The following STRN3 variants were observed in gnomAD, a reference collection of about 807,000 sequenced individuals.
The protein encoded by STRN3 is striatin-3.
A neutral mutation model predicts 95.6 loss-of-function variants in STRN3; 29 were observed. The observed-to-expected ratio is 0.30, with a 90% CI of 0.23 to 0.41. The LOEUF is 0.41. STRN3 is among the 10% of genes least tolerant of loss of function. The probability of loss-of-function intolerance (pLI) is 1.00; values close to 1 mark genes in which losing one functional copy is unlikely to be tolerated. For synonymous variants in STRN3, 331 were observed against 357.6 expected (o/e 0.93, Z 0.84); for missense variants, 890 against 972.1 (o/e 0.92, Z 1.12).
At chr14:31,019,173 T>C (rs1388733462) in intron 1 of STRN3, among the ~76,000 whole-genome samples, 1 of 151,834 alleles carries the variant, frequency 6.6e-6, no homozygotes, top group Non-Finnish European at 1.5e-5. Context: ...CCAGGCGTGG[T>C]AGCACGTGCC....
chr14:30,978,153 C>T (rs1423365900), intron 1 of STRN3, among the ~76,000 whole-genome samples: 1 of 152,094 alleles, frequency 6.6e-6, no homozygotes, highest in African/African-American at 2.4e-5. Flanking sequence ...TACTAATTCA[C>T]GTGATGAAGC....
In STRN3 at chr14:31,026,100, C is replaced by A; in HGVS notation, c.86G>T (p.Gly29Val). ...RQQQGPGGNLGLSPGGNGAAG... is the reference protein window; with the variant it reads ...RQQQGPGGNLVLSPGGNGAAG... Reference sequence around the variant, plus strand: ...CGCTCCGTTCCCCCCGGGCGAAAGGCCCAGGTTCCCCCCAGGTCCCTGCTG... The same window carrying A: ...CGCTCCGTTCCCCCCGGGCGAAAGGACCAGGTTCCCCCCAGGTCCCTGCTG... Residue 29 changes from glycine to valine, a missense_variant, in exon 1 of 18, where the codon GGC (glycine) becomes GTC (valine). By Grantham distance (109) the Gly-to-Val change is moderately radical. Around this residue, in one of 3 missense-constraint regions of STRN3, gnomAD observed 526 missense variants for 526.3 expected, o/e 1.00. Coordinates refer to ENST00000357479, the MANE Select transcript of STRN3 (RefSeq NM_001083893.2). 1 of 1,526,478 alleles carries A rather than the reference C, an allele frequency of 6.6e-7. No individual in the cohort carries two copies. The highest frequency in any genetic ancestry group is 8.8e-7 in the Non-Finnish European group (1 of 1,138,896). 94.6% of individuals were successfully genotyped at this position (1,526,478 alleles called of 1,614,324 possible). A position where few individuals can be genotyped will look rare whatever the true frequency, so the allele number is the denominator to read the frequency against.
intron 1 of STRN3, among the ~76,000 whole-genome samples, chr14:31,010,089 G>A (rs1421238753): frequency 4.0e-5 from 6 of 151,862 alleles, no homozygotes; most frequent in African/African-American, 4.8e-5. Flanking sequence ...CCTGGGTGAC[G>A]GTATGAGACC....
intron 7 of STRN3, among the ~76,000 whole-genome samples, chr14:30,929,822 T>C (rs1189091113): frequency 6.6e-6 from 1 of 151,870 alleles, no homozygotes; most frequent in Non-Finnish European, 1.5e-5. Context: ...TAGTCCAATA[T>C]AATACATATA....
At position 31,007,027 on chromosome 14, in the gene STRN3, A is replaced by G. The variant is rs147946329; in HGVS notation, c.282+18877T>C. 1.9e-3 allele frequency among the ~76,000 whole-genome samples: 291 copies of G among 152,328 alleles called. 2 individuals carry two copies. Among genetic ancestry groups the G allele is most frequent in the African/African-American group, 6.9e-3 (286 of 41,568 alleles). On this transcript the variant is annotated intron_variant, in intron 1 of 17. Transcript: ENST00000357479. ...AAAGTTAAATAAAAGTATATTTCCA[A>G]ACTACCAATCAAGTGTGAAAATAAA...
chr14:30,960,868 CAA>C (rs56227331), intron 1 of STRN3, among the ~76,000 whole-genome samples: 1 of 47,614 alleles, frequency 2.1e-5, no homozygotes, highest in Non-Finnish European at 4.1e-5. Flanking sequence ...GACTCCATCT[CAA>C]AAAAAAAAAA....
chr14:30,975,507 T>C (rs989920259), intron 1 of STRN3, among the ~76,000 whole-genome samples: 1 of 140,054 alleles, frequency 7.1e-6, no homozygotes, highest in Non-Finnish European at 1.5e-5. Flanking sequence ...AAAGAACTTT[T>C]CCATGCAACC....
Position 31,014,363 on chromosome 14 carries a change from G to A in STRN3, c.282+11541C>T, listed in dbSNP as rs1233878543. ...AGCCTCCCGAGTAGCTGGAACTACA[G>A]GCGCGTTGACACCACACCCTGCTAA... is the stretch of plus-strand genomic sequence containing the variant. On this transcript the variant is annotated intron_variant, in intron 1 of 17. Transcript: ENST00000357479. Among the ~76,000 whole-genome samples, 7 of 152,054 alleles carry A rather than the reference G, an allele frequency of 4.6e-5. No homozygotes were observed. The South Asian group carries it at 1.5e-3, about 32-fold the overall frequency.
At chr14:30,974,418 C>T (rs1343603285) in intron 1 of STRN3, among the ~76,000 whole-genome samples, 1 of 151,934 alleles carries the variant, frequency 6.6e-6, no homozygotes, top group African/African-American at 2.4e-5. Context: ...GAAATTAAGA[C>T]ATAAATAAAT....
chr14:30,997,138 G>C (rs1258224204), intron 1 of STRN3, among the ~76,000 whole-genome samples: 1 of 152,118 alleles, frequency 6.6e-6, no homozygotes, highest in African/African-American at 2.4e-5. Context: ...AACAGCAGCA[G>C]GGCTCAAAAG....
chr14:30,961,402 G>A (rs1276228975), intron 1 of STRN3, among the ~76,000 whole-genome samples: 1 of 152,150 alleles, frequency 6.6e-6, no homozygotes, highest in African/African-American at 2.4e-5. Context: ...TACAACAGGG[G>A]TCCCATATGA....
chr14:31,015,123 G>A (rs931864723), intron 1 of STRN3, among the ~76,000 whole-genome samples: 7 of 151,922 alleles, frequency 4.6e-5, no homozygotes, highest in Non-Finnish European at 7.4e-5. Context: ...GCGCCACCGC[G>A]TCCAGCCTCA....
At position 30,929,256 on chromosome 14, in the gene STRN3, T is replaced by A. The variant is rs781374175; in HGVS notation, c.1044A>T (p.Ile348=). 1 of 1,613,560 alleles carries A rather than the reference T, an allele frequency of 6.2e-7. No individual in the cohort carries two copies. The highest frequency in any genetic ancestry group is 8.5e-7 in the Non-Finnish European group (1 of 1,179,764). ...TCTTGTACTGTTCCTTCAGTTTACT[T>A]ATTAGTCCCTGGTCTACATCCCAAA... ...AEVWDVDQGL[I]SKLKEQYKKE... is the part of the protein sequence containing the mutation. The change falls in exon 8 of 18, where the codon ATA becomes ATT. Residue 348 remains isoleucine, a synonymous_variant. Transcript: ENST00000357479.
Position 30,906,932 on chromosome 14 carries a change from C to T in STRN3, c.1833G>A (p.Arg611=). Residue 611 remains arginine (R), a synonymous_variant, in exon 14 of 18, where the codon AGG becomes AGA. Coordinates refer to ENST00000357479, the MANE Select transcript of STRN3 (RefSeq NM_001083893.2). ...GCAATTTTTCTTGTGGATTCCATAACCTAACAGTGCCATCTGCTGAACAAG... is the reference window on the plus strand; with the variant it reads ...GCAATTTTTCTTGTGGATTCCATAATCTAACAGTGCCATCTGCTGAACAAG... ...LLSCSADGTV[R]LWNPQEKLPC... 6.2e-7 allele frequency: 1 copy of T among 1,613,810 alleles called. No individual in the cohort carries two copies. Among genetic ancestry groups the T allele is most frequent in the South Asian group, 1.1e-5 (1 of 91,060 alleles).
At chr14:30,929,965 A>AAAAAAAAAAAAC (rs1878422718) in intron 7 of STRN3, among the ~76,000 whole-genome samples, 11 of 143,360 alleles carry the variant, frequency 7.7e-5, no homozygotes, top group African/African-American at 2.9e-4. Context: ...AAAAAAAAAA[A>AAAAAAAAAAAAC]AAAAAAAAAA....
At chr14:31,003,299 G>A (rs1217382521) in intron 1 of STRN3, among the ~76,000 whole-genome samples, 1 of 151,164 alleles carries the variant, frequency 6.6e-6, no homozygotes, top group African/African-American at 2.4e-5. Context: ...AAGAGAAAGT[G>A]GTTAAGATGG....
chr14:30,943,851 G>C (rs1879209709), intron 5 of STRN3, among the ~76,000 whole-genome samples: 1 of 152,080 alleles, frequency 6.6e-6, no homozygotes, highest in African/African-American at 2.4e-5. Context: ...ACACAAAGTA[G>C]AATAGTGGTT....
At position 30,902,694 on chromosome 14, in the gene STRN3, G is replaced by A. The variant is rs767861626; in HGVS notation, c.2030-51C>T. 4 of 1,154,944 alleles carry A rather than the reference G, an allele frequency of 3.5e-6. No individual in the cohort carries two copies. In the Admixed American group the frequency reaches 8.6e-5, roughly 25 times the overall value. 71.5% of individuals were successfully genotyped at this position (1,154,944 alleles called of 1,614,324 possible). A position where few individuals can be genotyped will look rare whatever the true frequency, so the allele number is the denominator to read the frequency against. ...TTAAAATTCAAACCTTTAATAAGAA[G>A]TTGGATAATGGCCTTTTTAATCGTG... On this transcript the variant is annotated intron_variant, in intron 15 of 17. Transcript: ENST00000357479.
intron 1 of STRN3, among the ~76,000 whole-genome samples, chr14:31,021,007 A>T (rs571425400): frequency 6.6e-6 from 1 of 152,196 alleles, no homozygotes; most frequent in Non-Finnish European, 1.5e-5. Context: ...ATCGCACTCA[A>T]ATATCACCAA....
Sources: gnomAD v4.1 joint callset for allele counts (sites outside exome capture counted in the v4.1 genomes callset) on GRCh38, gnomAD v4.1.1 for gene constraint, gnomAD v4.1.1 regional missense constraint, MANE v1.5 for transcripts, NCBI Gene and HGNC (gene_info 2026-07-23, HGNC 2026-07-21) for gene names.